COL12A1: variants seen among roughly 807,000 people sequenced by gnomAD.
COL12A1 encodes collagen type XII alpha 1 chain, also known as collagen alpha-1(XII) chain.
COL12A1 carries 114 observed loss-of-function variants against 349.7 expected under a neutral mutation model. The observed-to-expected ratio is 0.33, with a 90% CI of 0.28 to 0.38. COL12A1 has a LOEUF of 0.38. Among genes scored for constraint, COL12A1 ranks in the 10% least tolerant of loss-of-function variants. The pLI is 1.00. For synonymous variants in COL12A1, 1,369 were observed against 1,329.0 expected, an observed-to-expected ratio of 1.03 and a Z score of -0.66; for missense variants, 3,284 against 3,756.9, an observed-to-expected ratio of 0.87 and a Z score of 3.29.
intron 49 of COL12A1, among the ~76,000 whole-genome samples, chr6:75,114,361 T>C: frequency 6.6e-6 from 1 of 151,902 alleles, no homozygotes; most frequent in South Asian, 2.1e-4. Context: ...TGTGCAAACA[T>C]TTAGTGATGA....
At chr6:75,191,884 G>T in intron 4 of COL12A1, 124 bp from the exon 5 acceptor site, 1 of 531,684 alleles carries the variant, frequency 1.9e-6, no homozygotes, top group Non-Finnish European at 3.0e-6. Context: ...TGCCCAGCTG[G>T]TCATAGAATA....
chr6:75,143,076 A>T (rs1197646061), intron 26 of COL12A1, 176 bp downstream of exon 26: 2 of 637,692 alleles, frequency 3.1e-6, no homozygotes, highest in Non-Finnish European at 5.3e-6. Flanking sequence ...TTGACAAGAC[A>T]GTCCAATATA....
chr6:75,192,301 G>GTACTTGAACAGA lies in COL12A1; in HGVS notation c.244_245insTCTGTTCAAGTA (p.Ser82delinsPheCysSerSerThr). Reference sequence around the variant, plus strand: ...ATACTCTGTTTCAGGTACAAGTTCTGACAATAAAGTTTCAGTGGTACTAGC... The same window carrying GTACTTGAACAGA: ...ATACTCTGTTTCAGGTACAAGTTCTGTACTTGAACAGAACAATAAAGTTTCAGTGGTACTAGC... On this transcript the variant is annotated protein_altering_variant, in exon 4 of 66. Transcript: ENST00000322507. The GTACTTGAACAGA allele has an allele frequency of 6.2e-7, 1 of 1,611,784 alleles. No individual in the cohort carries two copies. The highest frequency in any genetic ancestry group is 1.7e-5 in the Admixed American group (1 of 59,850).
At chr6:75,086,580 G>A (rs992015386) in intron 65 of COL12A1, 23 bp from the exon 66 acceptor site, 2 of 1,588,792 alleles carry the variant, frequency 1.3e-6, no homozygotes, top group Non-Finnish European at 1.7e-6. Context: ...AAAGATGATA[G>A]TTTTTAAAAG....
chr6:75,085,248 T>C lies in COL12A1; in HGVS notation c.*1299A>G. 1 of 470,808 alleles carries C rather than the reference T, an allele frequency of 2.1e-6. No homozygotes were observed. Among genetic ancestry groups the C allele is most frequent in the Non-Finnish European group, 4.4e-6 (1 of 227,044 alleles). 29.2% of individuals were successfully genotyped at this position (470,808 alleles called of 1,614,324 possible). On this transcript the variant is annotated 3_prime_UTR_variant, in exon 66 of 66. Transcript: ENST00000322507. ...CCAGCGCCGGTGGGGCTCAGGAGGCTCCTCTGCAGGCTCGTCTGCGCCGTA... is the reference window on the plus strand; with the variant it reads ...CCAGCGCCGGTGGGGCTCAGGAGGCCCCTCTGCAGGCTCGTCTGCGCCGTA...
chr6:75,125,909 G>T (rs1229082983), intron 39 of COL12A1, among the ~76,000 whole-genome samples: 1 of 152,058 alleles, frequency 6.6e-6, no homozygotes, highest in Admixed American at 6.6e-5. Flanking sequence ...TTTAATCAAG[G>T]TGATACTAAT....
intron 30 of COL12A1, among the ~76,000 whole-genome samples, 191 bp downstream of exon 30, chr6:75,138,129 G>A (rs1330691615): frequency 6.6e-6 from 1 of 152,020 alleles, no homozygotes; most frequent in Non-Finnish European, 1.5e-5. Context: ...ACCCCAAGCT[G>A]ATCAATACAC....
chr6:75,090,763 A>C lies in COL12A1; in HGVS notation c.8753-465T>G, dbSNP rs1682520796. 6.6e-6 allele frequency among the ~76,000 whole-genome samples: 1 copy of C among 152,220 alleles called. No individual in the cohort carries two copies. The highest frequency in any genetic ancestry group is 1.5e-5 in the Non-Finnish European group (1 of 68,032). On this transcript the variant is annotated intron_variant, in intron 62 of 65. Coordinates refer to ENST00000322507, the MANE Select transcript of COL12A1 (RefSeq NM_004370.6). This position sits in a 1 kb window ranked among gnomAD's most constrained non-coding sequence, Gnocchi z 4.1. ...TATCTCCAAAGTCAATGATTCACTA[A>C]GCTTAGGGCATGGTGCAGGAACTCA... is the stretch of plus-strand genomic sequence containing the variant.
intron 60 of COL12A1, among the ~76,000 whole-genome samples, 161 bp from the exon 61 acceptor site, chr6:75,091,686 A>G (rs569223977): frequency 7.2e-5 from 11 of 152,240 alleles, no homozygotes; most frequent in Middle Eastern, 3.4e-3. Context: ...GCTTTTCTAT[A>G]AAAAGGAATC....
At position 75,086,393 on chromosome 6, in the gene COL12A1, C is replaced by A; in HGVS notation, c.*154G>T. ...TTCAAGTTAGTAAAAAGAGTCTCCACCCTCCTTTGTGATGTCGACCCGGTT... is the reference window on the plus strand; with the variant it reads ...TTCAAGTTAGTAAAAAGAGTCTCCAACCTCCTTTGTGATGTCGACCCGGTT... On this transcript the variant is annotated 3_prime_UTR_variant, in exon 66 of 66. Coordinates refer to ENST00000322507, the MANE Select transcript of COL12A1 (RefSeq NM_004370.6). 1 of 451,746 alleles carries A rather than the reference C, an allele frequency of 2.2e-6. No individual in the cohort carries two copies. Among genetic ancestry groups the A allele is most frequent in the South Asian group, 4.0e-5 (1 of 25,060 alleles). 28.0% of individuals were successfully genotyped at this position (451,746 alleles called of 1,614,324 possible).
At chr6:75,193,185 C>T (rs977287272) in intron 3 of COL12A1, among the ~76,000 whole-genome samples, 2 of 152,154 alleles carry the variant, frequency 1.3e-5, no homozygotes, top group African/African-American at 4.8e-5. Flanking sequence ...CACTCAGACT[C>T]TGCCAGGTTG....
chr6:75,087,580 G>C lies in COL12A1; in HGVS notation c.9178C>G (p.Pro3060Ala). 1 of 1,613,718 alleles carries C rather than the reference G, an allele frequency of 6.2e-7. No homozygotes were observed. The highest frequency in any genetic ancestry group is 2.2e-5 in the East Asian group (1 of 44,814). ...ASIPYNGQGYPGSG is the reference protein window; with the variant it reads ...ASIPYNGQGYAGSG Reference sequence around the variant, plus strand: ...TCCTACAATGGCAACAACGTACCTGGATAGCCTTGCCCGTTGTATGGGATG... The same window carrying C: ...TCCTACAATGGCAACAACGTACCTGCATAGCCTTGCCCGTTGTATGGGATG... Residue 3060 changes from proline (P) to alanine (A), a missense_variant, in exon 65 of 66, where the codon CCA becomes GCA. By Grantham distance (27) the Pro-to-Ala change is conservative. Transcript: ENST00000322507.
At chr6:75,097,778 A>G (rs746040685) in intron 58 of COL12A1, among the ~76,000 whole-genome samples, 1 of 152,192 alleles carries the variant, frequency 6.6e-6, no homozygotes, top group Non-Finnish European at 1.5e-5. Context: ...AGATGATACT[A>G]TGGTGGCAGA....
Position 75,146,107 on chromosome 6 carries a change from T to C in COL12A1, c.4555A>G (p.Lys1519Glu). 6.3e-7 allele frequency: 1 copy of C among 1,596,418 alleles called. No homozygotes were observed. Among genetic ancestry groups the C allele is most frequent in the Non-Finnish European group, 8.5e-7 (1 of 1,173,426 alleles). Residue 1519 changes from lysine to glutamate, a missense_variant, in exon 24 of 66, where the codon AAA becomes GAA. By Grantham distance (56) the Lys-to-Glu change is moderately conservative. This residue lies in a region of COL12A1 where 2,601 missense variants were observed against 2,824.8 expected (regional missense o/e 0.92). Coordinates refer to ENST00000322507, the MANE Select transcript of COL12A1 (RefSeq NM_004370.6). The stretch of plus-strand genomic sequence containing the variant: ...AAGAAACAAACATCTTTCACCTCTT[T>C]GGGTCTTGTTGGCTCTGTGTCCTTA... ...PVKDTEPTRP[K>E]EVRLGPTVND... is the part of the protein sequence containing the mutation.
intron 13 of COL12A1, 68 bp from the exon 14 acceptor site, chr6:75,165,847 T>C: frequency 6.9e-7 from 1 of 1,458,504 alleles, no homozygotes; most frequent in Non-Finnish European, 9.4e-7. Flanking sequence ...TTATATTCAT[T>C]GATCCTGGTA....
chr6:75,141,349 C>A (rs1459074149), intron 27 of COL12A1, among the ~76,000 whole-genome samples: 1 of 152,132 alleles, frequency 6.6e-6, no homozygotes, highest in African/African-American at 2.4e-5. Flanking sequence ...AGCAAAAGAC[C>A]AACAGGCAAT....
chr6:75,139,574 T>C (rs937771808), intron 27 of COL12A1, among the ~76,000 whole-genome samples: 1 of 152,232 alleles, frequency 6.6e-6, no homozygotes, highest in Admixed American at 6.5e-5. Flanking sequence ...CTAAAAGTAT[T>C]GCACTCTGAC....
Position 75,159,491 on chromosome 6 carries a change from A to G in COL12A1, c.2984-2968T>C, listed in dbSNP as rs1044303644. On this transcript the variant is annotated intron_variant, in intron 14 of 65. Transcript: ENST00000322507. ...ATGTATTTCCAAACAAAAAATCTAA[A>G]GACTTTTACCTGGAGTTTTGAAAAT... 2.0e-5 allele frequency among the ~76,000 whole-genome samples: 3 copies of G among 149,000 alleles called. No individual in the cohort carries two copies. In the South Asian group the frequency reaches 6.2e-4, roughly 31 times the overall value.
At chr6:75,105,163 G>A (rs748742743) in intron 54 of COL12A1, 43 bp downstream of exon 54, 2 of 1,518,794 alleles carry the variant, frequency 1.3e-6, no homozygotes, top group Non-Finnish European at 1.8e-6. Context: ...TCACTCTAAA[G>A]ATTTCAAAGG....
Sources: allele counts gnomAD v4.1 joint callset (sites outside exome capture counted in the v4.1 genomes callset), GRCh38; gene constraint gnomAD v4.1.1; regional missense constraint gnomAD v4.1.1; non-coding constraint Gnocchi (gnomAD v3.1); transcripts MANE v1.5; gene names NCBI Gene and HGNC (gene_info 2026-07-23, HGNC 2026-07-21).